The following MGAT5 variants were observed in gnomAD, a reference collection of about 807,000 sequenced individuals.
MGAT5 encodes alpha-1,6-mannosylglycoprotein 6-beta-N-acetylglucosaminyltransferase.
MGAT5 carries 30 observed loss-of-function variants against 94.3 expected under a neutral mutation model. That is an observed-to-expected ratio of 0.32 (90% CI 0.24 to 0.43). MGAT5 has a LOEUF of 0.43. Ranked by LOEUF, MGAT5 falls within the 20% of genes least tolerant of loss-of-function variation. The probability of loss-of-function intolerance (pLI) is 1.00; values close to 1 mark genes in which losing one functional copy is unlikely to be tolerated. For synonymous variants in MGAT5, 310 were observed against 322.9 expected (o/e 0.96, Z 0.43); for missense variants, 691 against 905.5 (o/e 0.76, Z 3.04).
intron 1 of MGAT5, among the ~76,000 whole-genome samples, chr2:134,259,079 A>G (rs1258998849): frequency 6.6e-6 from 1 of 152,218 alleles, no homozygotes; most frequent in East Asian, 1.9e-4. Context: ...CCAAAGTGAT[A>G]CTCAGAACTC....
intron 2 of MGAT5, among the ~76,000 whole-genome samples, chr2:134,279,789 C>T (rs901966659): frequency 2.0e-5 from 3 of 152,176 alleles, no homozygotes; most frequent in Non-Finnish European, 4.4e-5. Flanking sequence ...GTGATATCAG[C>T]TTACATATGG....
intron 12 of MGAT5, among the ~76,000 whole-genome samples, chr2:134,419,499 G>A (rs994640164): frequency 8.2e-6 from 1 of 121,302 alleles, no homozygotes; most frequent in Non-Finnish European, 1.7e-5. Flanking sequence ...TTTCCATAAA[G>A]AGAACTCATG....
intron 1 of MGAT5, among the ~76,000 whole-genome samples, chr2:134,166,116 C>T (rs1283236016): frequency 6.6e-6 from 1 of 152,118 alleles, no homozygotes; most frequent in East Asian, 1.9e-4. Flanking sequence ...GGTTCTTGCT[C>T]CTTTCCTTCA....
chr2:134,193,432 A>G (rs1196900053), intron 1 of MGAT5, among the ~76,000 whole-genome samples: 2 of 152,218 alleles, frequency 1.3e-5, no homozygotes, highest in Non-Finnish European at 2.9e-5. Context: ...AGGTTAAAAG[A>G]GAACGATCCC....
At chr2:134,174,063 A>G (rs1402315876) in intron 1 of MGAT5, among the ~76,000 whole-genome samples, 1 of 152,228 alleles carries the variant, frequency 6.6e-6, no homozygotes, top group Non-Finnish European at 1.5e-5. Flanking sequence ...AGACTGGGGA[A>G]GAGCATTAGC....
chr2:134,423,456 G>A (rs1225098011), intron 13 of MGAT5, among the ~76,000 whole-genome samples: 5 of 152,174 alleles, frequency 3.3e-5, no homozygotes, highest in Non-Finnish European at 7.4e-5. Context: ...GTTGTGGAGG[G>A]CGGGGTGTTT....
At chr2:134,344,225 G>T (rs1457516149) in intron 7 of MGAT5, among the ~76,000 whole-genome samples, 2 of 152,158 alleles carry the variant, frequency 1.3e-5, no homozygotes, top group African/African-American at 4.8e-5. Context: ...CGCTCTGAGC[G>T]CAAGTATGGT....
chr2:134,202,832 C>A (rs191881499), intron 1 of MGAT5, among the ~76,000 whole-genome samples: 45 of 152,208 alleles, frequency 3.0e-4, no homozygotes, highest in African/African-American at 1.0e-3. Flanking sequence ...ACAACAAACA[C>A]AATTCTCCCC....
At chr2:134,260,074 T>C (rs1683222579) in intron 1 of MGAT5, among the ~76,000 whole-genome samples, 1 of 130,998 alleles carries the variant, frequency 7.6e-6, no homozygotes, top group East Asian at 2.8e-4. Context: ...TGCTAGGTCC[T>C]AAGGCCTACT....
chr2:134,204,315 G>A lies in MGAT5; in HGVS notation c.-142-49947G>A, dbSNP rs780559514. Among the ~76,000 whole-genome samples the A allele has an allele frequency of 3.3e-5, 5 of 152,142 alleles. No homozygotes were observed. In the South Asian group the frequency reaches 8.3e-4, roughly 25 times the overall value. On this transcript the variant is annotated intron_variant, in intron 1 of 16. Coordinates refer to the MGAT5 transcript ENST00000409645. ...CTGTTGGATTTCTTAATCTCAGTAC[G>A]AGAAATTCTAATTTCTGCCTAAGTC...
At chr2:134,171,027 A>C (rs1558968369) in intron 1 of MGAT5, among the ~76,000 whole-genome samples, 1 of 151,844 alleles carries the variant, frequency 6.6e-6, no homozygotes, top group Non-Finnish European at 1.5e-5. Context: ...CACCAAGCTA[A>C]TTTTTGTATT....
intron 10 of MGAT5, among the ~76,000 whole-genome samples, chr2:134,372,806 C>G (rs1680897918): frequency 6.6e-6 from 1 of 152,218 alleles, no homozygotes; most frequent in African/African-American, 2.4e-5. Flanking sequence ...GCATAAACAG[C>G]TAAGTGCAAA....
intron 2 of MGAT5, among the ~76,000 whole-genome samples, chr2:134,312,788 G>A (rs1489439509): frequency 6.6e-6 from 1 of 152,058 alleles, no homozygotes; most frequent in African/African-American, 2.4e-5. Flanking sequence ...TAAATTAGGA[G>A]GTCAGTGCTG....
chr2:134,361,107 G>T (rs1178472195), intron 9 of MGAT5, among the ~76,000 whole-genome samples: 1 of 152,240 alleles, frequency 6.6e-6, no homozygotes. Flanking sequence ...CCATCTGTCT[G>T]TCTGAAAGGA....
chr2:134,306,946 A>ATT (rs1461629923), intron 2 of MGAT5, among the ~76,000 whole-genome samples: 1 of 152,080 alleles, frequency 6.6e-6, no homozygotes, highest in African/African-American at 2.4e-5. Flanking sequence ...CTCTCTGCTG[A>ATT]TACATTTCAG....
intron 1 of MGAT5, among the ~76,000 whole-genome samples, chr2:134,245,511 A>T (rs1255776175): frequency 1.3e-5 from 2 of 152,202 alleles, no homozygotes; most frequent in Non-Finnish European, 2.9e-5. Context: ...CAAGAGACTA[A>T]GTCAGGATAA....
Position 134,453,090 on chromosome 2 carries a change from A to T in MGAT5, c.*4243A>T, listed in dbSNP as rs1299894199. 6.6e-6 allele frequency: 1 copy of T among 152,244 alleles called. No homozygotes were observed. The highest frequency in any genetic ancestry group is 1.5e-5 in the Non-Finnish European group (1 of 68,042). The allele number at this position is 152,244 out of a possible 1,614,324, so 9.4% of individuals were successfully genotyped here. ...CTTGGCACATAGTAAGCCCTAGTAA[A>T]TGTTAAATATTGTTATTAGTGTTTC... is the stretch of plus-strand genomic sequence containing the variant. On this transcript the variant is annotated 3_prime_UTR_variant, in exon 16 of 16. Coordinates refer to ENST00000281923, the MANE Select transcript of MGAT5 (RefSeq NM_002410.5).
intron 1 of MGAT5, among the ~76,000 whole-genome samples, chr2:134,133,044 C>T (rs1015929923): frequency 2.0e-5 from 3 of 152,128 alleles, no homozygotes; most frequent in Admixed American, 1.3e-4. Flanking sequence ...CATTCAAGTG[C>T]TAGTTATTTA....
chr2:134,366,282 TAA>T (rs1297560170), intron 10 of MGAT5, among the ~76,000 whole-genome samples: 5 of 152,210 alleles, frequency 3.3e-5, no homozygotes, highest in African/African-American at 9.6e-5. Flanking sequence ...GTCAACTTTG[TAA>T]AAAGAGATTT....
Sources: allele counts gnomAD v4.1 joint callset (sites outside exome capture counted in the v4.1 genomes callset), GRCh38; gene constraint gnomAD v4.1.1; transcripts MANE v1.5; gene names NCBI Gene and HGNC (gene_info 2026-07-23, HGNC 2026-07-21).